Variants in TTC7A observed in about 807,000 individuals in gnomAD.
TTC7A encodes tetratricopeptide repeat protein 7A.
A neutral mutation model predicts 103.7 loss-of-function variants in TTC7A; 110 were observed. The observed-to-expected ratio is 1.06, with a 90% CI of 0.91 to 1.24. TTC7A has a LOEUF of 1.24. Among genes scored for constraint, TTC7A ranks in the 50% most tolerant of loss-of-function variants. The pLI is 0.00. For synonymous variants in TTC7A, 521 were observed against 467.9 expected (o/e 1.11, Z -1.47); for missense variants, 1,340 against 1,116.3 (o/e 1.20, Z -2.86).
chr2:46,992,162 G>C (rs538447972), intron 5 of TTC7A, among the ~76,000 whole-genome samples: 1 of 152,372 alleles, frequency 6.6e-6, no homozygotes, highest in South Asian at 2.1e-4. Context: ...GTGATCCGGG[G>C]AACCCCCTGA....
At chr2:47,022,104 C>G in intron 12 of TTC7A, 125 bp downstream of exon 12, 1 of 639,626 alleles carries the variant, frequency 1.6e-6, no homozygotes, top group East Asian at 2.7e-5. Flanking sequence ...CCATGCACTC[C>G]TCTGGGAGAG....
chr2:46,968,209 C>A (rs551692838), intron 3 of TTC7A, among the ~76,000 whole-genome samples: 13 of 152,188 alleles, frequency 8.5e-5, no homozygotes, highest in Admixed American at 5.2e-4. Context: ...ATCGAAAGTT[C>A]TGAGTTAATG....
chr2:47,000,255 TA>T lies in TTC7A; in HGVS notation c.1065+5072del, dbSNP rs58720701. 0.032 allele frequency among the ~76,000 whole-genome samples: 4,609 copies of T among 142,006 alleles called. 306 individuals carry two copies. In the East Asian group the frequency reaches 0.33, roughly 10 times the overall value. The allele number at this position is 142,006 out of a possible 152,430, so 93.2% of individuals were successfully genotyped here. On this transcript the variant is annotated intron_variant, in intron 8 of 19. Coordinates refer to ENST00000319190, the MANE Select transcript of TTC7A (RefSeq NM_020458.4). The stretch of plus-strand genomic sequence containing the variant: ...AACTGGATTAAGGGTGCCATTCAGT[TA>T]AAAAAAAAAAAAAAAGTGCTTCCTG...
At chr2:47,058,939 TG>T (rs1683539579) in intron 18 of TTC7A, among the ~76,000 whole-genome samples, 1 of 149,956 alleles carries the variant, frequency 6.7e-6, no homozygotes, top group Non-Finnish European at 1.5e-5. Flanking sequence ...CAGAACTGCT[TG>T]GGAGTCCAGC....
At chr2:47,060,680 G>T in intron 18 of TTC7A, 89 bp from the exon 19 acceptor site, 10 of 1,266,408 alleles carry the variant, frequency 7.9e-6, no homozygotes, top group Non-Finnish European at 1.1e-5. Flanking sequence ...CCTAAGACTA[G>T]TTCCCTGGCT....
In TTC7A at chr2:46,979,246, G is replaced by C. The variant is rs186596439; in HGVS notation, c.764+339G>C. 4.0e-3 allele frequency among the ~76,000 whole-genome samples: 613 copies of C among 152,336 alleles called. 8 individuals carry two copies. Among genetic ancestry groups the C allele is most frequent in the African/African-American group, 0.014 (596 of 41,572 alleles). ...AAAGCAAAGGACAGTGAGCTGGCCA[G>C]TGGGTCTGGTTTTGTCTACTGTTGT... On this transcript the variant is annotated intron_variant, in intron 5 of 19. Transcript: ENST00000319190.
chr2:47,046,749 T>C (rs1682366618), intron 16 of TTC7A: 3 of 327,200 alleles, frequency 9.2e-6, no homozygotes, highest in Non-Finnish European at 1.7e-5. Context: ...TTATAGCTTA[T>C]GCATTATCAG....
intron 3 of TTC7A, among the ~76,000 whole-genome samples, chr2:46,967,556 G>T (rs575761139): frequency 2.0e-5 from 3 of 152,204 alleles, no homozygotes; most frequent in East Asian, 3.9e-4. Context: ...TGTCCTCAAG[G>T]CTTATCCATA....
At chr2:47,051,650 C>T (rs1350619075) in intron 17 of TTC7A, 96 bp from the exon 18 acceptor site, 4 of 1,455,560 alleles carry the variant, frequency 2.7e-6, no homozygotes, top group East Asian at 2.3e-5. Context: ...ATTCAGGGTG[C>T]CCTGTCTCCC....
chr2:47,050,575 A>T (rs1040134638), intron 17 of TTC7A: 1 of 153,732 alleles, frequency 6.5e-6, no homozygotes, highest in Non-Finnish European at 1.5e-5. Flanking sequence ...AGAATTAGTC[A>T]TGGGAAAGAA....
chr2:47,009,176 C>T (rs897369056), intron 10 of TTC7A, among the ~76,000 whole-genome samples: 5 of 152,094 alleles, frequency 3.3e-5, no homozygotes, highest in African/African-American at 1.2e-4. Flanking sequence ...GGTAGATAGC[C>T]TGACAGTGCC....
At chr2:46,932,812 G>A (rs976749012) in intron 2 of TTC7A, among the ~76,000 whole-genome samples, 1 of 149,414 alleles carries the variant, frequency 6.7e-6, no homozygotes, top group Non-Finnish European at 1.5e-5. Flanking sequence ...GAGGCAGGAG[G>A]ATCGCTTGAA....
At chr2:46,967,656 A>C (rs928944207) in intron 3 of TTC7A, among the ~76,000 whole-genome samples, 1 of 152,090 alleles carries the variant, frequency 6.6e-6, no homozygotes, top group Non-Finnish European at 1.5e-5. Flanking sequence ...TTATGTGTTC[A>C]TCTGTCAATG....
At chr2:46,985,762 A>T (rs1674950285) in intron 5 of TTC7A, among the ~76,000 whole-genome samples, 1 of 152,252 alleles carries the variant, frequency 6.6e-6, no homozygotes, top group South Asian at 2.1e-4. Flanking sequence ...GTAATACCAC[A>T]TTGTCCCTTG....
Position 46,950,464 on chromosome 2 carries a change from G to A in TTC7A, c.286G>A (p.Glu96Lys). ...KDSMPLLEKN[E>K]PKMSEAKNYL... ...CTCCATGCCTTTGCTGGAGAAGAAT[G>A]AGCCGAAGATGAGCGAAGCCAAAAA... The change falls in exon 2 of 20, where the codon GAG becomes AAG. Residue 96 changes from glutamate (E) to lysine (K), a missense_variant. Glu to Lys is a moderately conservative substitution (Grantham distance 56). Coordinates refer to ENST00000319190, the MANE Select transcript of TTC7A (RefSeq NM_020458.4). The A allele has an allele frequency of 6.2e-7, 1 of 1,614,194 alleles. No individual in the cohort carries two copies.
At chr2:46,967,430 C>G (rs1672960103) in intron 3 of TTC7A, among the ~76,000 whole-genome samples, 4 of 152,154 alleles carry the variant, frequency 2.6e-5, no homozygotes, top group Non-Finnish European at 5.9e-5. Context: ...TCCCCTAACC[C>G]CTGGCAACCA....
At chr2:47,021,518 A>T (rs1359867495) in intron 11 of TTC7A, among the ~76,000 whole-genome samples, 1 of 152,194 alleles carries the variant, frequency 6.6e-6, no homozygotes, top group Non-Finnish European at 1.5e-5. Flanking sequence ...GGCTGAGGAC[A>T]TCCAGCAAGG....
rs925819901 is a variant in TTC7A at position 46,941,819 on chromosome 2, C to T, written c.184+94C>T. On this transcript the variant is annotated intron_variant, in intron 1 of 19. Transcript: ENST00000319190. The surrounding 1 kb of genome is among the most constrained non-coding windows in gnomAD (Gnocchi z 4.2). Reference sequence around the variant, plus strand: ...CGCCCAGACAGTCCTCGGCCGACAGCGGGCGCCTGCCAGCCCACCGTGCTA... The same window carrying T: ...CGCCCAGACAGTCCTCGGCCGACAGTGGGCGCCTGCCAGCCCACCGTGCTA... 1.2e-4 allele frequency: 180 copies of T among 1,476,632 alleles called. No individual in the cohort carries two copies. In the East Asian group the frequency reaches 1.9e-3, roughly 15 times the overall value. 91.5% of individuals were successfully genotyped at this position (1,476,632 alleles called of 1,614,324 possible).
intron 8 of TTC7A, among the ~76,000 whole-genome samples, chr2:47,004,270 G>A (rs1268431571): frequency 2.6e-5 from 4 of 152,154 alleles, no homozygotes; most frequent in Non-Finnish European, 4.4e-5. Flanking sequence ...CCCCCAGGGT[G>A]AGTCACTTCC....
Sources: gnomAD v4.1 joint callset for allele counts (sites outside exome capture counted in the v4.1 genomes callset) on GRCh38, gnomAD v4.1.1 for gene constraint, Gnocchi (gnomAD v3.1) non-coding constraint, MANE v1.5 for transcripts, NCBI Gene and HGNC (gene_info 2026-07-23, HGNC 2026-07-21) for gene names.